VPS35L: variants seen among roughly 807,000 people sequenced by gnomAD.
The protein encoded by VPS35L is VPS35 endosomal protein sorting factor like.
Under a neutral mutation model 133.0 loss-of-function variants are expected in VPS35L, and 83 were observed. That is an observed-to-expected ratio of 0.62 (90% CI 0.52 to 0.75). The LOEUF (loss-of-function observed/expected upper bound fraction) is 0.75, where lower values mean the gene tolerates loss of function less well. Ranked by LOEUF, VPS35L falls within the 30% of genes least tolerant of loss-of-function variation. The probability of loss-of-function intolerance (pLI) is 0.00; values close to 1 mark genes in which losing one functional copy is unlikely to be tolerated. For synonymous variants in VPS35L, 423 were observed against 449.9 expected, an observed-to-expected ratio of 0.94 and a Z score of 0.76; for missense variants, 1,083 against 1,206.8, an observed-to-expected ratio of 0.90 and a Z score of 1.52.
chr16:19,658,912 T>C (rs560804362), intron 26 of VPS35L, among the ~76,000 whole-genome samples: 5 of 151,552 alleles, frequency 3.3e-5, no homozygotes, highest in African/African-American at 1.2e-4. Flanking sequence ...TATTATTAGG[T>C]AGGTGGTTTA....
chr16:19,581,574 G>T lies in VPS35L; in HGVS notation c.560G>T (p.Arg187Leu). 6.2e-7 allele frequency: 1 copy of T among 1,613,908 alleles called. No individual in the cohort carries two copies. Among genetic ancestry groups the T allele is most frequent in the Middle Eastern group, 1.7e-4 (1 of 6,060 alleles). ...TTGACTCAGCAGGATTACGTGAACC[G>T]CATAGAGGAGCTCAACCAATCGCTG... Reference protein sequence around the residue: ...LNLTQQDYVNRIEELNQSLKD... With the variant: ...LNLTQQDYVNLIEELNQSLKD... The change falls in exon 7 of 31, where the codon CGC becomes CTC. Residue 187 changes from arginine to leucine, a missense_variant. Transcript: ENST00000417362.
chr16:19,695,017 A>G (rs2151629791), intron 29 of VPS35L, among the ~76,000 whole-genome samples: 1 of 151,300 alleles, frequency 6.6e-6, no homozygotes, highest in East Asian at 1.9e-4. Flanking sequence ...GAAAAAAAAA[A>G]AAAAAAGACA....
intron 26 of VPS35L, among the ~76,000 whole-genome samples, chr16:19,655,295 A>G (rs1652773645): frequency 2.0e-5 from 3 of 152,342 alleles, no homozygotes; most frequent in African/African-American, 7.2e-5. Flanking sequence ...CTAAACCTTA[A>G]AAGCCTATTA....
At chr16:19,641,128 G>A (rs955781760) in intron 21 of VPS35L, among the ~76,000 whole-genome samples, 1 of 151,964 alleles carries the variant, frequency 6.6e-6, no homozygotes, top group South Asian at 2.1e-4. Flanking sequence ...GAAATGGTGC[G>A]ATCTCAGCTC....
intron 28 of VPS35L, among the ~76,000 whole-genome samples, chr16:19,685,895 T>TCTCCTCTCCTTCCTCTCC (rs555525182): frequency 2.6e-5 from 4 of 152,046 alleles, no homozygotes; most frequent in African/African-American, 7.2e-5. Flanking sequence ...CTCTCCTCTC[T>TCTCCTCTCCTTCCTCTCC]CTCCTCTCCT....
At chr16:19,636,852 G>A (rs145676872) in intron 19 of VPS35L, among the ~76,000 whole-genome samples, 61 of 152,252 alleles carry the variant, frequency 4.0e-4, no homozygotes, top group African/African-American at 1.4e-3. Context: ...AGTGAGGGGC[G>A]GTAACCATCA....
chr16:19,644,591 A>G (rs1487803508), intron 22 of VPS35L, among the ~76,000 whole-genome samples: 2 of 152,216 alleles, frequency 1.3e-5, no homozygotes, highest in East Asian at 1.9e-4. Context: ...ACAAAATTTG[A>G]CATTAGACCT....
At chr16:19,570,834 C>CATACATAT (rs1971340034) in intron 3 of VPS35L, among the ~76,000 whole-genome samples, 1 of 78,806 alleles carries the variant, frequency 1.3e-5, no homozygotes, top group Non-Finnish European at 2.8e-5. Context: ...TGCTGTGTTT[C>CATACATAT]ATATATATAT....
chr16:19,558,669 C>T (rs1459699218), intron 1 of VPS35L, among the ~76,000 whole-genome samples: 3 of 152,210 alleles, frequency 2.0e-5, no homozygotes, highest in Middle Eastern at 6.8e-3. Flanking sequence ...GCCTCTAATC[C>T]CAGCACTTTG....
chr16:19,582,757 G>A (rs1298939343), intron 7 of VPS35L, among the ~76,000 whole-genome samples: 2 of 152,194 alleles, frequency 1.3e-5, no homozygotes, highest in Non-Finnish European at 2.9e-5. Flanking sequence ...TACATCTGGG[G>A]GAGATTTGAT....
chr16:19,566,234 A>G (rs1316847273), intron 2 of VPS35L, among the ~76,000 whole-genome samples: 1 of 152,116 alleles, frequency 6.6e-6, no homozygotes, highest in Non-Finnish European at 1.5e-5. Flanking sequence ...CATGCCTCAC[A>G]CCCGTAATTT....
At chr16:19,608,086 T>C in intron 9 of VPS35L, 92 bp from the exon 10 acceptor site, 1 of 906,822 alleles carries the variant, frequency 1.1e-6, no homozygotes, top group Non-Finnish European at 1.8e-6. Flanking sequence ...AGTCACCCCC[T>C]TTTCTGCTCC....
chr16:19,686,191 G>A (rs1975453395), intron 28 of VPS35L, among the ~76,000 whole-genome samples: 1 of 152,134 alleles, frequency 6.6e-6, no homozygotes, highest in Non-Finnish European at 1.5e-5. Flanking sequence ...AGGTTGTGGG[G>A]GCTCCTTTTT....
At chr16:19,685,397 C>A (rs1412205645) in intron 28 of VPS35L, among the ~76,000 whole-genome samples, 1 of 152,164 alleles carries the variant, frequency 6.6e-6, no homozygotes, top group African/African-American at 2.4e-5. Context: ...GTATAGTATT[C>A]CTTTGTGTGG....
At chr16:19,688,693 CAG>C (rs1248606575) in intron 28 of VPS35L, among the ~76,000 whole-genome samples, 2 of 152,326 alleles carry the variant, frequency 1.3e-5, no homozygotes, top group East Asian at 3.9e-4. Flanking sequence ...GCTCCCCAGA[CAG>C]AGTGCTGCTT....
chr16:19,655,048 T>A (rs1308188985), intron 26 of VPS35L, among the ~76,000 whole-genome samples: 1 of 152,210 alleles, frequency 6.6e-6, no homozygotes, highest in African/African-American at 2.4e-5. Flanking sequence ...TGTAAGTAGT[T>A]TCTCCCTGTT....
chr16:19,640,186 G>A (rs1402477009), intron 21 of VPS35L, 86 bp downstream of exon 21: 3 of 1,238,194 alleles, frequency 2.4e-6, no homozygotes, highest in Middle Eastern at 1.9e-4. Flanking sequence ...TGCACTTTGA[G>A]GCCGAGTGAT....
intron 3 of VPS35L, among the ~76,000 whole-genome samples, chr16:19,570,854 T>C (rs1227480407): frequency 8.9e-5 from 3 of 33,610 alleles, no homozygotes; most frequent in African/African-American, 4.0e-4. Context: ...TATATATATA[T>C]ATATATATAT....
At position 19,633,505 on chromosome 16, in the gene VPS35L, TA is replaced by T. The variant is rs1231966415; in HGVS notation, c.1635+336del. On this transcript the variant is annotated intron_variant, in intron 19 of 30. Coordinates refer to ENST00000417362, the MANE Select transcript of VPS35L (RefSeq NM_020314.7). This position sits in a 1 kb window ranked among gnomAD's most constrained non-coding sequence, Gnocchi z 4.1. ...TAAGTAAACTGCGAGTATTTTTAGT[TA>T]AATCAACTTTGTTTTTTCCTTTTTT... is the stretch of plus-strand genomic sequence containing the variant. Among the ~76,000 whole-genome samples the T allele has an allele frequency of 2.0e-5, 3 of 152,212 alleles. No individual in the cohort carries two copies. The highest frequency in any genetic ancestry group is 1.5e-5 in the Non-Finnish European group (1 of 68,034).
Sources: gnomAD v4.1 joint callset for allele counts (sites outside exome capture counted in the v4.1 genomes callset) on GRCh38, gnomAD v4.1.1 for gene constraint, Gnocchi (gnomAD v3.1) non-coding constraint, MANE v1.5 for transcripts, NCBI Gene and HGNC (gene_info 2026-07-23, HGNC 2026-07-21) for gene names.